The following ZSCAN1 variants were observed in gnomAD, a reference collection of about 807,000 sequenced individuals.
The protein encoded by ZSCAN1 is zinc finger and SCAN domain-containing protein 1.
In ZSCAN1, 23 loss-of-function variants were observed where a neutral mutation model predicts 23.8. The observed-to-expected ratio is 0.97, with a 90% CI of 0.70 to 1.37. ZSCAN1 has a LOEUF of 1.37. Among genes scored for constraint, ZSCAN1 ranks in the 40% most tolerant of loss-of-function variants. The pLI is 0.00. For missense variants in ZSCAN1, 575 were observed against 554.0 expected (o/e 1.04, Z -0.38); for synonymous variants, 236 against 232.3 (o/e 1.02, Z -0.15).
intron 3 of ZSCAN1, among the ~76,000 whole-genome samples, chr19:58,039,804 TG>T (rs935973708): frequency 2.1e-5 from 3 of 144,766 alleles, no homozygotes; most frequent in Non-Finnish European, 4.5e-5. Flanking sequence ...GAACAACCAG[TG>T]GAATCAGCTG....
rs1185593623 is a variant in ZSCAN1 at position 58,034,160 on chromosome 19, C to G, written c.-153C>G. ...CCCAGGCCCGAGCGAAGCCCGCGCG[C>G]GGTGAGTCCGCCGCGGCCCATCCGT... On this transcript the variant is annotated splice_region_variant and 5_prime_UTR_variant, in exon 1 of 6. Transcript: ENST00000282326. 2 of 150,864 alleles carry G rather than the reference C, an allele frequency of 1.3e-5. No individual in the cohort carries two copies. Among genetic ancestry groups the G allele is most frequent in the Non-Finnish European group, 3.0e-5 (2 of 67,584 alleles). The allele number at this position is 150,864 out of a possible 1,614,324, so 9.3% of individuals were successfully genotyped here. A position where few individuals can be genotyped will look rare whatever the true frequency, so the allele number is the denominator to read the frequency against.
In ZSCAN1 at chr19:58,040,853, C is replaced by T. The variant is rs114991221; in HGVS notation, c.465+309C>T. Among the ~76,000 whole-genome samples, 753 of 152,292 alleles carry T rather than the reference C, an allele frequency of 4.9e-3. 6 individuals are homozygous for T. Among genetic ancestry groups the T allele is most frequent in the African/African-American group, 0.017 (721 of 41,558 alleles). On this transcript the variant is annotated intron_variant, in intron 4 of 5. Coordinates refer to ENST00000282326, the MANE Select transcript of ZSCAN1 (RefSeq NM_182572.4). This position sits in a 1 kb window ranked among gnomAD's most constrained non-coding sequence, Gnocchi z 5.8. ...CCTGTGTCACCCGCACCAGATGCTG[C>T]GTGTGTTGAGAAAGTCCTGCTGCCC... is the stretch of plus-strand genomic sequence containing the variant.
intron 4 of ZSCAN1, among the ~76,000 whole-genome samples, chr19:58,044,319 A>AAAC (rs72036820): frequency 3.0e-3 from 11 of 3,634 alleles, no homozygotes; most frequent in Non-Finnish European, 6.0e-3. Context: ...TAAAATAAAT[A>AAAC]AATGATACAT....
At position 58,049,226 on chromosome 19, in the gene ZSCAN1, C is replaced by T. The variant is rs2123439295; in HGVS notation, c.466-3264C>T. On this transcript the variant is annotated intron_variant, in intron 4 of 5. Coordinates refer to ENST00000282326, the MANE Select transcript of ZSCAN1 (RefSeq NM_182572.4). This position sits in a 1 kb window ranked among gnomAD's most constrained non-coding sequence, Gnocchi z 4.5. Reference sequence around the variant, plus strand: ...ATTTGCCATCCAGCTCCTGTTCTTTCCGTTCCAAGGCCTTAAGAGCACTAG... The same window carrying T: ...ATTTGCCATCCAGCTCCTGTTCTTTTCGTTCCAAGGCCTTAAGAGCACTAG... The T allele has an allele frequency of 6.5e-6, 1 of 153,406 alleles. No individual in the cohort carries two copies. The highest frequency in any genetic ancestry group is 1.7e-3 in the Middle Eastern group (1 of 600). 9.5% of individuals were successfully genotyped at this position (153,406 alleles called of 1,614,324 possible).
In ZSCAN1 at chr19:58,050,286, A is replaced by T. The variant is rs2073850883; in HGVS notation, c.466-2204A>T. Reference sequence around the variant, plus strand: ...CTCGTCTCTACCAAAAAATACAAAAATTAGCTGGGTGTGGTGGCACGTGCC... The same window carrying T: ...CTCGTCTCTACCAAAAAATACAAAATTTAGCTGGGTGTGGTGGCACGTGCC... On this transcript the variant is annotated intron_variant, in intron 4 of 5. Transcript: ENST00000282326. Among the ~76,000 whole-genome samples, 3 of 151,576 alleles carry T rather than the reference A, an allele frequency of 2.0e-5. No individual in the cohort carries two copies. In the South Asian group the frequency reaches 6.3e-4, roughly 32 times the overall value.
chr19:58,045,057 C>T lies in ZSCAN1; in HGVS notation c.465+4513C>T. ...TGAAGTCCCGGGGGCAGAGAGGGTG[C>T]TGGGCGAGCTGAGGCACTACTACCA... On this transcript the variant is annotated intron_variant, in intron 4 of 5. Coordinates refer to ENST00000282326, the MANE Select transcript of ZSCAN1 (RefSeq NM_182572.4). This position sits in a 1 kb window ranked among gnomAD's most constrained non-coding sequence, Gnocchi z 4.3. The T allele has an allele frequency of 8.9e-7, 1 of 1,122,968 alleles. No homozygotes were observed. The highest frequency in any genetic ancestry group is 1.4e-6 in the Non-Finnish European group (1 of 736,560). The allele number at this position is 1,122,968 out of a possible 1,614,324, so 69.6% of individuals were successfully genotyped here.
At chr19:58,034,450 C>G (rs1345797450) in intron 1 of ZSCAN1, among the ~76,000 whole-genome samples, 1 of 151,968 alleles carries the variant, frequency 6.6e-6, no homozygotes, top group African/African-American at 2.4e-5. Context: ...ACCCCGACCC[C>G]TGTTGGCATC....
rs1400151813 is a variant in ZSCAN1, at chr19:58,053,209, G to A, written c.605-220G>A. ...CCTCACCTCATGATCCACCTTCCTC[G>A]GCCTCCCAAAGTGCTGGGATTACAG... On this transcript the variant is annotated intron_variant, in intron 5 of 5. Transcript: ENST00000282326. The surrounding 1 kb of genome is among the most constrained non-coding windows in gnomAD (Gnocchi z 5.8). 1.3e-5 allele frequency among the ~76,000 whole-genome samples: 2 copies of A among 151,954 alleles called. No homozygotes were observed. The highest frequency in any genetic ancestry group is 6.6e-5 in the Admixed American group (1 of 15,248).
At position 58,038,504 on chromosome 19, in the gene ZSCAN1, C is replaced by CG. The variant is rs2073758990; in HGVS notation, c.370+299dup. On this transcript the variant is annotated intron_variant, in intron 3 of 5. Coordinates refer to ENST00000282326, the MANE Select transcript of ZSCAN1 (RefSeq NM_182572.4). ...CCTCACGGCTGCTCTCTGGGAAGGA[C>CG]GCTGCCTCGCCACTTCCTCCCAGCC... The CG allele has an allele frequency of 5.3e-6, 3 of 562,982 alleles. No individual in the cohort carries two copies. The African/African-American group carries it at 5.8e-5, about 11-fold the overall frequency. The allele number at this position is 562,982 out of a possible 1,614,324, so 34.9% of individuals were successfully genotyped here.
chr19:58,049,909 C>T lies in ZSCAN1; in HGVS notation c.466-2581C>T, dbSNP rs1203716782. On this transcript the variant is annotated intron_variant, in intron 4 of 5. Coordinates refer to ENST00000282326, the MANE Select transcript of ZSCAN1 (RefSeq NM_182572.4). The surrounding 1 kb of genome is among the most constrained non-coding windows in gnomAD (Gnocchi z 4.5). ...GTGAGCTTTTTCTTGTGGGCATTCT[C>T]GGGTTTTTTCACTTTACTCCACTGT... is the stretch of plus-strand genomic sequence containing the variant. Among the ~76,000 whole-genome samples the T allele has an allele frequency of 2.6e-5, 4 of 152,118 alleles. No individual in the cohort carries two copies. The highest frequency in any genetic ancestry group is 7.2e-5 in the African/African-American group (3 of 41,404).
chr19:58,042,594 CAA>C (rs1240914000), intron 4 of ZSCAN1, among the ~76,000 whole-genome samples: 1 of 152,160 alleles, frequency 6.6e-6, no homozygotes, highest in East Asian at 1.9e-4. Context: ...TGCACCAAAA[CAA>C]AGTTTCGTGG....
Position 58,040,693 on chromosome 19 carries a change from C to A in ZSCAN1, c.465+149C>A. 1 of 716,084 alleles carries A rather than the reference C, an allele frequency of 1.4e-6. No homozygotes were observed. Among genetic ancestry groups the A allele is most frequent in the Non-Finnish European group, 2.3e-6 (1 of 429,544 alleles). 44.4% of individuals were successfully genotyped at this position (716,084 alleles called of 1,614,324 possible). A position where few individuals can be genotyped will look rare whatever the true frequency, so the allele number is the denominator to read the frequency against. ...CCGGCCTCCAAACTCCCCGCCTGCC[C>A]CACAGATTCCCCAAGCTTCCTGGGG... On this transcript the variant is annotated intron_variant, in intron 4 of 5. Coordinates refer to ENST00000282326, the MANE Select transcript of ZSCAN1 (RefSeq NM_182572.4). This position sits in a 1 kb window ranked among gnomAD's most constrained non-coding sequence, Gnocchi z 5.8.
intron 4 of ZSCAN1, among the ~76,000 whole-genome samples, chr19:58,050,101 TC>T (rs74179457): frequency 6.6e-6 from 1 of 151,654 alleles, no homozygotes; most frequent in Non-Finnish European, 1.5e-5. Flanking sequence ...TTTTTTTTTT[TC>T]CAAAATAACC....
At chr19:58,050,004 T>C (rs1289405247) in intron 4 of ZSCAN1, among the ~76,000 whole-genome samples, 1 of 152,152 alleles carries the variant, frequency 6.6e-6, no homozygotes, top group Non-Finnish European at 1.5e-5. Context: ...CTGTCTGTAG[T>C]TGATTTGTGT....
intron 4 of ZSCAN1, chr19:58,046,704 G>A: frequency 2.4e-6 from 2 of 833,292 alleles, no homozygotes; most frequent in East Asian, 4.9e-5. Context: ...TAGCAACACT[G>A]GAAAAAGAGG....
chr19:58,042,768 C>T (rs1374907160), intron 4 of ZSCAN1, among the ~76,000 whole-genome samples: 2 of 152,216 alleles, frequency 1.3e-5, no homozygotes, highest in Non-Finnish European at 2.9e-5. Context: ...ACAGGCCATC[C>T]CCTCACCACA....
chr19:58,053,506 C>G lies in ZSCAN1; in HGVS notation c.682C>G (p.Leu228Val). 6.2e-7 allele frequency: 1 copy of G among 1,614,148 alleles called. No homozygotes were observed. The highest frequency in any genetic ancestry group is 8.5e-7 in the Non-Finnish European group (1 of 1,180,036). Residue 228 changes from leucine (L) to valine (V), a missense_variant, in exon 6 of 6, where the codon CTG becomes GTG. Transcript: ENST00000282326. This position sits in a 1 kb window ranked among gnomAD's most constrained non-coding sequence, Gnocchi z 5.8. ...CCTTCTCGCAGGGCCCTCCTCAGACCTGCGGGCAGAAGGGACTGTGATCTC... is the reference window on the plus strand; with the variant it reads ...CCTTCTCGCAGGGCCCTCCTCAGACGTGCGGGCAGAAGGGACTGTGATCTC... ...EDLLAGPSSDLRAEGTVISSP... is the reference protein window; with the variant it reads ...EDLLAGPSSDVRAEGTVISSP...
intron 1 of ZSCAN1, among the ~76,000 whole-genome samples, chr19:58,034,630 C>T (rs1195254228): frequency 1.3e-5 from 2 of 148,628 alleles, no homozygotes; most frequent in Non-Finnish European, 3.0e-5. Context: ...GCCCCTTGGG[C>T]CCATCCCCCA....
Position 58,037,977 on chromosome 19 carries a change from C to T in ZSCAN1, c.141C>T (p.His47=). 1.2e-6 allele frequency: 2 copies of T among 1,607,416 alleles called. No individual in the cohort carries two copies. The highest frequency in any genetic ancestry group is 2.2e-5 in the East Asian group (1 of 44,850). The change falls in exon 3 of 6, where the codon CAC becomes CAT. Residue 47 remains histidine, a synonymous_variant. Coordinates refer to ENST00000282326, the MANE Select transcript of ZSCAN1 (RefSeq NM_182572.4). Reference sequence around the variant, plus strand: ...TGCGCTTCCGGCAGTTCCAGTACCACGTGGCGAGCGGGCCGCACCTCGCGC... The same window carrying T: ...TGCGCTTCCGGCAGTTCCAGTACCATGTGGCGAGCGGGCCGCACCTCGCGC... The part of the protein sequence containing the change: ...QRLRFRQFQY[H]VASGPHLALG...
Sources: allele counts gnomAD v4.1 joint callset (sites outside exome capture counted in the v4.1 genomes callset), GRCh38; gene constraint gnomAD v4.1.1; non-coding constraint Gnocchi (gnomAD v3.1); transcripts MANE v1.5; gene names NCBI Gene and HGNC (gene_info 2026-07-23, HGNC 2026-07-21).